CADM1: variants seen among roughly 807,000 people sequenced by gnomAD.
CADM1 encodes cell adhesion molecule 1.
A neutral mutation model predicts 53.1 loss-of-function variants in CADM1; 15 were observed. That is an observed-to-expected ratio of 0.28 (90% CI 0.19 to 0.44). CADM1 has a LOEUF of 0.44. Among genes scored for constraint, CADM1 ranks in the 20% least tolerant of loss-of-function variants. The pLI is 1.00. For synonymous variants in CADM1, 281 were observed against 243.0 expected (o/e 1.16, Z -1.45); for missense variants, 434 against 611.3 (o/e 0.71, Z 3.06).
intron 1 of CADM1, among the ~76,000 whole-genome samples, chr11:115,408,382 A>T (rs1457092238): frequency 6.6e-6 from 1 of 152,196 alleles, no homozygotes; most frequent in Admixed American, 6.5e-5. Flanking sequence ...GATCAGTTTA[A>T]ATCCCTGCAC....
chr11:115,462,393 C>T (rs1053067381), intron 1 of CADM1, among the ~76,000 whole-genome samples: 1 of 152,170 alleles, frequency 6.6e-6, no homozygotes, highest in Non-Finnish European at 1.5e-5. Context: ...GTGAGCACCT[C>T]GGGTTATCTG....
chr11:115,347,232 C>G (rs1442496771), intron 1 of CADM1, among the ~76,000 whole-genome samples: 2 of 146,714 alleles, frequency 1.4e-5, no homozygotes, highest in African/African-American at 2.6e-5. Flanking sequence ...GTTTACTCAT[C>G]ATGTTGTGGG....
chr11:115,295,509 TATATATATATATATATATA>T lies in CADM1; in HGVS notation c.125-55108_125-55090del, dbSNP rs1944031115. ...TATATGCTTTGATCAAGATATTTTA[TATATATATATATATATATA>T]TATATATATATATATATATATAATA... On this transcript the variant is annotated intron_variant, in intron 1 of 11. Transcript: ENST00000331581. Among the ~76,000 whole-genome samples the T allele has an allele frequency of 1.6e-3, 44 of 27,932 alleles. 2 individuals carry two copies. Among genetic ancestry groups the T allele is most frequent in the African/African-American group, 6.1e-3 (30 of 4,948 alleles). The allele number at this position is 27,932 out of a possible 152,430, so 18.3% of individuals were successfully genotyped here. A position where few individuals can be genotyped will look rare whatever the true frequency, so the allele number is the denominator to read the frequency against.
At chr11:115,224,062 C>G (rs950058419) in intron 5 of CADM1, among the ~76,000 whole-genome samples, 1 of 150,798 alleles carries the variant, frequency 6.6e-6, no homozygotes, top group Non-Finnish European at 1.5e-5. Flanking sequence ...AGAATACAAC[C>G]TGGAAACAGA....
intron 1 of CADM1, among the ~76,000 whole-genome samples, chr11:115,415,529 T>C (rs1947571965): frequency 1.3e-5 from 2 of 151,964 alleles, no homozygotes; most frequent in Admixed American, 1.3e-4. Flanking sequence ...CAAGGAACGA[T>C]TAAAATTTTT....
intron 3 of CADM1, among the ~76,000 whole-genome samples, chr11:115,235,044 T>C (rs2134880639): frequency 6.6e-6 from 1 of 152,224 alleles, no homozygotes; most frequent in Non-Finnish European, 1.5e-5. Context: ...CCAGTATTTC[T>C]GATCTTAGCT....
chr11:115,480,760 C>T (rs900341520), intron 1 of CADM1, among the ~76,000 whole-genome samples: 1 of 152,152 alleles, frequency 6.6e-6, no homozygotes, highest in Non-Finnish European at 1.5e-5. Context: ...CTCCATCTCA[C>T]CATCAACAGG....
In CADM1 at chr11:115,307,517, A is replaced by AAAAAT. The variant is rs10673324; in HGVS notation, c.125-67098_125-67097insATTTT. Among the ~76,000 whole-genome samples, 76 of 144,294 alleles carry AAAAAT rather than the reference A, an allele frequency of 5.3e-4. 1 individual carries two copies. The highest frequency in any genetic ancestry group is 1.5e-3 in the African/African-American group (61 of 39,378). 94.7% of individuals were successfully genotyped at this position (144,294 alleles called of 152,430 possible). A position where few individuals can be genotyped will look rare whatever the true frequency, so the allele number is the denominator to read the frequency against. On this transcript the variant is annotated intron_variant, in intron 1 of 11. Transcript: ENST00000331581. Reference sequence around the variant, plus strand: ...CAACTATTTAAGCCAGGAAAAAAAAAATATATATATATATATATGCTGAGA... The same window carrying AAAAAT: ...CAACTATTTAAGCCAGGAAAAAAAAAAAAATATATATATATATATATATGCTGAGA...
intron 1 of CADM1, among the ~76,000 whole-genome samples, chr11:115,304,602 T>A (rs1415942137): frequency 6.6e-6 from 1 of 152,026 alleles, no homozygotes; most frequent in East Asian, 1.9e-4. Flanking sequence ...GATATTGTGC[T>A]AAAAATGACA....
chr11:115,211,181 A>G (rs922504635), intron 7 of CADM1, among the ~76,000 whole-genome samples: 19 of 125,064 alleles, frequency 1.5e-4, no homozygotes, highest in African/African-American at 4.2e-4. Context: ...CTTTTTATGG[A>G]GGCCACAGGT....
chr11:115,215,030 A>T (rs1941118942), intron 6 of CADM1, among the ~76,000 whole-genome samples: 1 of 152,228 alleles, frequency 6.6e-6, no homozygotes. Context: ...ATGTTCGACA[A>T]ATCAACAAAT....
At chr11:115,397,891 G>GA (rs1160165623) in intron 1 of CADM1, among the ~76,000 whole-genome samples, 1 of 152,120 alleles carries the variant, frequency 6.6e-6, no homozygotes, top group Non-Finnish European at 1.5e-5. Context: ...AAATATTGAA[G>GA]AAAGTACTGC....
At chr11:115,392,416 G>A (rs568868091) in intron 1 of CADM1, among the ~76,000 whole-genome samples, 4 of 151,838 alleles carry the variant, frequency 2.6e-5, no homozygotes, top group African/African-American at 9.7e-5. Flanking sequence ...AGTTATAATA[G>A]GACATATAAA....
At chr11:115,472,042 T>C (rs994153509) in intron 1 of CADM1, among the ~76,000 whole-genome samples, 2 of 151,958 alleles carry the variant, frequency 1.3e-5, no homozygotes, top group Admixed American at 6.6e-5. Flanking sequence ...TCAGCAGAAA[T>C]TGACTACAGA....
intron 1 of CADM1, among the ~76,000 whole-genome samples, chr11:115,457,296 A>G (rs1015910360): frequency 5.3e-5 from 8 of 152,188 alleles, no homozygotes; most frequent in African/African-American, 1.9e-4. Context: ...GAGGTGCTCG[A>G]TAAGTCGAAT....
intron 7 of CADM1, among the ~76,000 whole-genome samples, chr11:115,210,776 G>A (rs1230278932): frequency 6.6e-6 from 1 of 152,124 alleles, no homozygotes; most frequent in South Asian, 2.1e-4. Flanking sequence ...TGGGTTTGGT[G>A]CAACTTCCCA....
chr11:115,285,692 T>C (rs1943711700), intron 1 of CADM1, among the ~76,000 whole-genome samples: 1 of 152,168 alleles, frequency 6.6e-6, no homozygotes, highest in South Asian at 2.1e-4. Context: ...CTAAGTTTGA[T>C]AGATGAGGTA....
At chr11:115,254,549 A>AACACACACAC (rs58261564) in intron 1 of CADM1, among the ~76,000 whole-genome samples, 45 of 134,986 alleles carry the variant, frequency 3.3e-4, no homozygotes, top group African/African-American at 1.0e-3. Flanking sequence ...AAGGGAGACA[A>AACACACACAC]ACACACACAC....
At chr11:115,254,568 AC>A in intron 1 of CADM1, among the ~76,000 whole-genome samples, 1 of 148,030 alleles carries the variant, frequency 6.8e-6, no homozygotes, top group East Asian at 2.0e-4. Flanking sequence ...ACACACACAC[AC>A]ACACACACAC....
Sources: gnomAD v4.1 joint callset for allele counts (sites outside exome capture counted in the v4.1 genomes callset) on GRCh38, gnomAD v4.1.1 for gene constraint, MANE v1.5 for transcripts, NCBI Gene and HGNC (gene_info 2026-07-23, HGNC 2026-07-21) for gene names.